The following ALKBH1 variants were observed in gnomAD, a reference collection of about 807,000 sequenced individuals.
ALKBH1 encodes nucleic acid dioxygenase ALKBH1.
A neutral mutation model predicts 36.6 loss-of-function variants in ALKBH1; 31 were observed. The observed-to-expected ratio is 0.85, with a 90% CI of 0.64 to 1.14. ALKBH1 has a LOEUF of 1.14. ALKBH1 is among the 50% of genes most tolerant of loss of function. ALKBH1 has a pLI of 0.00. For missense variants in ALKBH1, 490 were observed against 497.3 expected (o/e 0.99, Z 0.14); for synonymous variants, 183 against 186.6 (o/e 0.98, Z 0.16).
chr14:77,681,465 T>C (rs1162514666), intron 3 of ALKBH1, among the ~76,000 whole-genome samples: 1 of 152,220 alleles, frequency 6.6e-6, no homozygotes, highest in East Asian at 1.9e-4. Flanking sequence ...GTGGCACTCA[T>C]CTTGATGTTT....
At chr14:77,703,946 C>T (rs1041176739) in intron 2 of ALKBH1, among the ~76,000 whole-genome samples, 11 of 152,098 alleles carry the variant, frequency 7.2e-5, no homozygotes, top group Non-Finnish European at 1.3e-4. Context: ...TATGTTCAGC[C>T]TTGATAGCAA....
At position 77,690,117 on chromosome 14, in the gene ALKBH1, C is replaced by G. The variant is rs1349271799; in HGVS notation, c.455+4621G>C. Reference sequence around the variant, plus strand: ...AAGATGATATTAGAACAAAGACTTACAAGAAGCAAGACACTGTTGATCTAA... The same window carrying G: ...AAGATGATATTAGAACAAAGACTTAGAAGAAGCAAGACACTGTTGATCTAA... On this transcript the variant is annotated intron_variant, in intron 3 of 5. Coordinates refer to ENST00000216489, the MANE Select transcript of ALKBH1 (RefSeq NM_006020.3). Among the ~76,000 whole-genome samples the G allele has an allele frequency of 3.3e-5, 5 of 151,380 alleles. No individual in the cohort carries two copies. The East Asian group carries it at 9.7e-4, about 29-fold the overall frequency.
At chr14:77,695,028 G>A (rs17106199) in intron 2 of ALKBH1, 128 bp from the exon 3 acceptor site, 3 of 696,978 alleles carry the variant, frequency 4.3e-6, no homozygotes, top group Non-Finnish European at 4.2e-6. Context: ...CATGCTTCAA[G>A]TTAATGAACA....
chr14:77,677,945 C>T (rs2080214725), intron 4 of ALKBH1, among the ~76,000 whole-genome samples: 1 of 152,086 alleles, frequency 6.6e-6, no homozygotes, highest in African/African-American at 2.4e-5. Flanking sequence ...TTACTCACTA[C>T]TTTTTCTTTT....
chr14:77,706,652 T>C (rs944668903), intron 1 of ALKBH1, among the ~76,000 whole-genome samples: 5 of 152,218 alleles, frequency 3.3e-5, no homozygotes, highest in African/African-American at 4.8e-5. Context: ...CATTCCCTGA[T>C]GGCTGACATT....
At chr14:77,675,541 A>AT in intron 5 of ALKBH1, 115 bp downstream of exon 5, 2 of 840,756 alleles carry the variant, frequency 2.4e-6, no homozygotes, top group Non-Finnish European at 3.5e-6. Flanking sequence ...GTGGAAGATT[A>AT]TAGAGTCCAA....
At position 77,676,380 on chromosome 14, in the gene ALKBH1, G is replaced by A. The variant is rs569640944; in HGVS notation, c.547-531C>T. 6.6e-4 allele frequency among the ~76,000 whole-genome samples: 100 copies of A among 152,106 alleles called. No individual in the cohort carries two copies. The Middle Eastern group carries it at 0.02, about 31-fold the overall frequency. The stretch of plus-strand genomic sequence containing the variant: ...CAGGCACTGTGCTATATACTGCATT[G>A]AGTCTATACATGAAGCAATTACTCC... On this transcript the variant is annotated intron_variant, in intron 4 of 5. Coordinates refer to ENST00000216489, the MANE Select transcript of ALKBH1 (RefSeq NM_006020.3).
At position 77,704,580 on chromosome 14, in the gene ALKBH1, G is replaced by A. The variant is rs772023896; in HGVS notation, c.184-103C>T. The A allele has an allele frequency of 2.0e-4, 170 of 863,926 alleles. 1 individual carries two copies. The Middle Eastern group carries it at 3.6e-3, about 18-fold the overall frequency. The allele number at this position is 863,926 out of a possible 1,614,324, so 53.5% of individuals were successfully genotyped here. ...CATTTCTTGTATGAGGCAAAGCTAG[G>A]ATTCTTGTTTAAGATACAGAACCTT... On this transcript the variant is annotated intron_variant, in intron 1 of 5. Coordinates refer to ENST00000216489, the MANE Select transcript of ALKBH1 (RefSeq NM_006020.3).
At chr14:77,690,863 G>A (rs138313485) in intron 3 of ALKBH1, among the ~76,000 whole-genome samples, 6,138 of 151,800 alleles carry the variant, frequency 0.04, 188 homozygotes, top group Middle Eastern at 0.068. Flanking sequence ...GTGCAATGGC[G>A]TGATCTCGGC....
chr14:77,696,247 G>A (rs75252850), intron 2 of ALKBH1, among the ~76,000 whole-genome samples: 7,505 of 152,076 alleles, frequency 0.049, 225 homozygotes, highest in Middle Eastern at 0.068. Flanking sequence ...GGAGAACAGT[G>A]GTGTGATCCT....
chr14:77,703,294 T>G (rs1566818176), intron 2 of ALKBH1, among the ~76,000 whole-genome samples: 1 of 151,450 alleles, frequency 6.6e-6, no homozygotes, highest in Non-Finnish European at 1.5e-5. Flanking sequence ...CTATTAGGAC[T>G]TTCTTTTTTT....
At chr14:77,692,230 A>G (rs189065029) in intron 3 of ALKBH1, among the ~76,000 whole-genome samples, 1 of 152,222 alleles carries the variant, frequency 6.6e-6, no homozygotes, top group Admixed American at 6.5e-5. Context: ...GAGACACAGA[A>G]AGGTGAAGGA....
chr14:77,676,185 T>TG (rs2080204896), intron 4 of ALKBH1, among the ~76,000 whole-genome samples: 1 of 150,028 alleles, frequency 6.7e-6, no homozygotes. Context: ...TTGGCAGAGA[T>TG]GGGGTCTCAC....
chr14:77,701,391 A>C (rs2080358411), intron 2 of ALKBH1, among the ~76,000 whole-genome samples: 1 of 152,224 alleles, frequency 6.6e-6, no homozygotes, highest in Non-Finnish European at 1.5e-5. Flanking sequence ...CAGTTAGTAG[A>C]TGGCAGAGCC....
intron 3 of ALKBH1, among the ~76,000 whole-genome samples, chr14:77,682,287 A>C (rs2080242319): frequency 6.6e-6 from 1 of 152,248 alleles, no homozygotes; most frequent in African/African-American, 2.4e-5. Context: ...TAAAGGTACA[A>C]ATAAAAGAAC....
intron 4 of ALKBH1, among the ~76,000 whole-genome samples, chr14:77,676,091 G>A (rs1310231073): frequency 1.3e-5 from 2 of 150,710 alleles, no homozygotes; most frequent in Non-Finnish European, 3.0e-5. Flanking sequence ...AGACCTCCTG[G>A]GCTCAGTGAT....
intron 3 of ALKBH1, among the ~76,000 whole-genome samples, chr14:77,688,289 G>C (rs1377389511): frequency 7.2e-6 from 1 of 139,734 alleles, no homozygotes; most frequent in Non-Finnish European, 1.5e-5. Context: ...CTCTGCTTTT[G>C]CTCTGTCGCC....
rs576755330 is a variant in ALKBH1 at position 77,683,005 on chromosome 14, T to C, written c.456-3035A>G. Among the ~76,000 whole-genome samples the C allele has an allele frequency of 2.0e-5, 3 of 152,274 alleles. No homozygotes were observed. In the East Asian group the frequency reaches 5.8e-4, roughly 29 times the overall value. ...AACCACTGCACCTGGCCTATTTTTA[T>C]TGTTTAATTAAAACAAAAAAGAAAA... On this transcript the variant is annotated intron_variant, in intron 3 of 5. Coordinates refer to ENST00000216489, the MANE Select transcript of ALKBH1 (RefSeq NM_006020.3).
chr14:77,677,301 A>G (rs2080211644), intron 4 of ALKBH1, among the ~76,000 whole-genome samples: 1 of 152,170 alleles, frequency 6.6e-6, no homozygotes, highest in Non-Finnish European at 1.5e-5. Flanking sequence ...CGGCCTCCCA[A>G]AGTGCTGGGA....
Sources: gnomAD v4.1 joint callset for allele counts (sites outside exome capture counted in the v4.1 genomes callset) on GRCh38, gnomAD v4.1.1 for gene constraint, MANE v1.5 for transcripts, NCBI Gene and HGNC (gene_info 2026-07-23, HGNC 2026-07-21) for gene names.